PCDHA7: variants seen among roughly 807,000 people sequenced by gnomAD.
The protein encoded by PCDHA7 is protocadherin alpha 7.
PCDHA7 carries 37 observed loss-of-function variants against 57.2 expected under a neutral mutation model. The observed-to-expected ratio is 0.65, with a 90% CI of 0.50 to 0.85. The LOEUF (loss-of-function observed/expected upper bound fraction) is 0.85, where lower values mean the gene tolerates loss of function less well. Ranked by LOEUF, PCDHA7 falls within the 40% of genes least tolerant of loss-of-function variation. PCDHA7 has a pLI of 0.00. For missense variants in PCDHA7, 1,188 were observed against 1,241.8 expected, an observed-to-expected ratio of 0.96 and a Z score of 0.65; for synonymous variants, 553 against 558.8, an observed-to-expected ratio of 0.99 and a Z score of 0.15.
chr5:140,875,290 A>T (rs1321351883), intron 1 of PCDHA7: 20 of 1,396,906 alleles, frequency 1.4e-5, no homozygotes, highest in East Asian at 7.6e-5. Context: ...AAACAGGAAA[A>T]TTTTTTTCTC....
rs999939821 is a variant in PCDHA7, at chr5:140,972,909, G to A, written c.2356-6040G>A. ...GATCTCTTGACCTTGTGATCCACCC[G>A]CCTTGGCCTCCCAAAGTGCTGGGAT... is the stretch of plus-strand genomic sequence containing the variant. On this transcript the variant is annotated intron_variant, in intron 1 of 3. Transcript: ENST00000525929. 5.3e-4 allele frequency among the ~76,000 whole-genome samples: 80 copies of A among 152,056 alleles called. 1 individual carries two copies. Among genetic ancestry groups the A allele is most frequent in the African/African-American group, 1.8e-3 (75 of 41,484 alleles).
rs1460811244 is a variant in PCDHA7, at chr5:140,835,636, T to C, written c.1253T>C (p.Val418Ala). 6.2e-7 allele frequency: 1 copy of C among 1,613,788 alleles called. No homozygotes were observed. The highest frequency in any genetic ancestry group is 8.5e-7 in the Non-Finnish European group (1 of 1,179,882). Residue 418 changes from valine (V) to alanine (A), a missense_variant, in exon 1 of 4, where the codon GTG becomes GCG. By Grantham distance (64) the Val-to-Ala change is moderately conservative. Around this residue, in one of 3 missense-constraint regions of PCDHA7, gnomAD observed 892 missense variants for 788.5 expected, o/e 1.13. Coordinates refer to ENST00000525929, the MANE Select transcript of PCDHA7 (RefSeq NM_018910.3). ...GACAGCGCTCTGGACCGCGAGAGTG[T>C]GTCCGCCTATGAGCTGGTGGTTACC... ...VLDSALDRESVSAYELVVTAR... is the reference protein window; with the variant it reads ...VLDSALDRESASAYELVVTAR...
chr5:140,849,842 C>G, intron 1 of PCDHA7: 1 of 1,598,534 alleles, frequency 6.3e-7, no homozygotes, highest in Non-Finnish European at 8.6e-7. Flanking sequence ...CCGACGTGAA[C>G]GACAACGCAC....
chr5:140,938,599 C>T (rs1554212246), intron 1 of PCDHA7, among the ~76,000 whole-genome samples: 1 of 152,048 alleles, frequency 6.6e-6, no homozygotes, highest in African/African-American at 2.4e-5. Flanking sequence ...ATAAACCAAT[C>T]TTGCATTCTT....
chr5:140,872,923 C>T (rs2053985502), intron 1 of PCDHA7, among the ~76,000 whole-genome samples: 1 of 152,102 alleles, frequency 6.6e-6, no homozygotes, highest in Non-Finnish European at 1.5e-5. Flanking sequence ...TGCCTTATCT[C>T]TAATGTTTTT....
intron 1 of PCDHA7, chr5:140,855,838 A>G (rs1554147969): frequency 1.6e-6 from 1 of 616,858 alleles, no homozygotes. Flanking sequence ...TCGTACTTAC[A>G]CCTAAAGCCA....
At chr5:140,886,253 T>G (rs2060912572) in intron 1 of PCDHA7, among the ~76,000 whole-genome samples, 1 of 152,034 alleles carries the variant, frequency 6.6e-6, no homozygotes, top group African/African-American at 2.4e-5. Context: ...TAAAAGTATC[T>G]CTATTTATAG....
chr5:140,877,243 G>A lies in PCDHA7; in HGVS notation c.2355+40505G>A, dbSNP rs201483899. ...GCGGTCGGTGGGTGCGGGCCACGTG[G>A]TGGCGAAAGTGCGCGCGGTGGACGC... On this transcript the variant is annotated intron_variant, in intron 1 of 3. Transcript: ENST00000525929. The A allele has an allele frequency of 1.2e-5, 20 of 1,613,724 alleles. No individual in the cohort carries two copies. In the African/African-American group the frequency reaches 2.7e-4, roughly 22 times the overall value.
chr5:140,936,545 G>A (rs1456098221), intron 1 of PCDHA7, among the ~76,000 whole-genome samples: 1 of 152,202 alleles, frequency 6.6e-6, no homozygotes, highest in African/African-American at 2.4e-5. Context: ...ATAGTGCAAT[G>A]TAGAAGTCAA....
At chr5:140,924,096 T>A (rs1044149112) in intron 1 of PCDHA7, among the ~76,000 whole-genome samples, 1 of 152,222 alleles carries the variant, frequency 6.6e-6, no homozygotes, top group Non-Finnish European at 1.5e-5. Flanking sequence ...AAAGAATAAA[T>A]TTTCATTCCA....
chr5:140,941,211 CTTCCTTTCTTTCTTT>C (rs1563185551), intron 1 of PCDHA7, among the ~76,000 whole-genome samples: 1,583 of 129,706 alleles, frequency 0.012, 22 homozygotes, highest in African/African-American at 0.029. Flanking sequence ...TCCTTTCTTT[CTTCCTTTCTTTCTTT>C]CTTTCTTTCT....
chr5:140,837,389 T>A (rs1775035247), intron 1 of PCDHA7, among the ~76,000 whole-genome samples: 1 of 151,976 alleles, frequency 6.6e-6, no homozygotes, highest in Non-Finnish European at 1.5e-5. Context: ...TTGTTCCTTG[T>A]TTGTATAAGA....
At chr5:140,868,764 T>G (rs1202050223) in intron 1 of PCDHA7, 2 of 238,724 alleles carry the variant, frequency 8.4e-6, no homozygotes, top group Non-Finnish European at 1.6e-5. Flanking sequence ...ATATATTTAG[T>G]TTCAATATGA....
chr5:140,842,441 G>T (rs1554139039), intron 1 of PCDHA7: 3 of 1,613,636 alleles, frequency 1.9e-6, no homozygotes, highest in Non-Finnish European at 2.5e-6. Flanking sequence ...CCTAATTAGC[G>T]TGAACGACCT....
At chr5:140,883,682 T>G (rs2059750474) in intron 1 of PCDHA7, 1 of 1,613,604 alleles carries the variant, frequency 6.2e-7, no homozygotes. Context: ...TCCGCCGGGC[T>G]GCCACATCTT....
At chr5:140,872,215 A>T (rs931630004) in intron 1 of PCDHA7, among the ~76,000 whole-genome samples, 2 of 152,188 alleles carry the variant, frequency 1.3e-5, no homozygotes, top group Non-Finnish European at 2.9e-5. Flanking sequence ...ATTATATATG[A>T]AACAATCTTT....
rs782568790 is a variant in PCDHA7 at position 140,856,315 on chromosome 5, T to C, written c.2355+19577T>C. On this transcript the variant is annotated intron_variant, in intron 1 of 3. Transcript: ENST00000525929. ...GCATTTTGTTTGTGAATTCTCGGAT[T>C]GACCGCGAGGAGCTGTGCGGGCGGA... 131 of 1,598,516 alleles carry C rather than the reference T, an allele frequency of 8.2e-5. 15 individuals are homozygous for C. The highest frequency in any genetic ancestry group is 1.9e-4 in the Admixed American group (11 of 59,298).
At chr5:140,989,413 T>G (rs1234033175) in intron 3 of PCDHA7, among the ~76,000 whole-genome samples, 3 of 152,172 alleles carry the variant, frequency 2.0e-5, no homozygotes, top group Non-Finnish European at 4.4e-5. Context: ...GAGTCTGCAC[T>G]TCACTCTGTG....
intron 1 of PCDHA7, among the ~76,000 whole-genome samples, chr5:140,838,434 A>G (rs1554137076): frequency 1.3e-5 from 2 of 151,392 alleles, no homozygotes; most frequent in Non-Finnish European, 2.9e-5. Context: ...TAAATTATAT[A>G]TTGGGTTTTG....
Sources: gnomAD v4.1 joint callset for allele counts (sites outside exome capture counted in the v4.1 genomes callset) on GRCh38, gnomAD v4.1.1 for gene constraint, gnomAD v4.1.1 regional missense constraint, MANE v1.5 for transcripts, NCBI Gene and HGNC (gene_info 2026-07-23, HGNC 2026-07-21) for gene names.